PIEZO2: variants seen among roughly 807,000 people sequenced by gnomAD.
The protein encoded by PIEZO2 is piezo type mechanosensitive ion channel component 2, also known as piezo-type mechanosensitive ion channel component 2.
PIEZO2 carries 172 observed loss-of-function variants against 337.3 expected under a neutral mutation model. The observed-to-expected ratio is 0.51, with a 90% CI of 0.45 to 0.58. The LOEUF (loss-of-function observed/expected upper bound fraction) is 0.58. Ranked by LOEUF, PIEZO2 falls within the 20% of genes least tolerant of loss-of-function variation. The probability of loss-of-function intolerance (pLI) is 0.00; values close to 1 mark genes in which losing one functional copy is unlikely to be tolerated. For missense variants in PIEZO2, 3,028 were observed against 3,391.3 expected, an observed-to-expected ratio of 0.89 and a Z score of 2.66; for synonymous variants, 1,251 against 1,228.5, an observed-to-expected ratio of 1.02 and a Z score of -0.38.
rs2040706285 is a variant in PIEZO2, at chr18:11,143,190, C to A, written c.64+5335G>T. Among the ~76,000 whole-genome samples, 1 of 152,044 alleles carries A rather than the reference C, an allele frequency of 6.6e-6. No homozygotes were observed. The highest frequency in any genetic ancestry group is 1.5e-5 in the Non-Finnish European group (1 of 68,006). ...ATGTCCTCAAGACAACGGTTTAAATCAAAAATCTTATAAGCTGTAATGTTG... is the reference window on the plus strand; with the variant it reads ...ATGTCCTCAAGACAACGGTTTAAATAAAAAATCTTATAAGCTGTAATGTTG... On this transcript the variant is annotated intron_variant, in intron 1 of 55. Coordinates refer to ENST00000674853, the MANE Select transcript of PIEZO2 (RefSeq NM_001378183.1). This position sits in a 1 kb window ranked among gnomAD's most constrained non-coding sequence, Gnocchi z 4.9.
chr18:10,886,008 G>T (rs2042568594), intron 4 of PIEZO2, among the ~76,000 whole-genome samples: 1 of 151,892 alleles, frequency 6.6e-6, no homozygotes, highest in African/African-American at 2.4e-5. Context: ...AATAAAGCCA[G>T]AATCCGAAGA....
Position 11,021,377 on chromosome 18 carries a change from A to G in PIEZO2, c.161-41717T>C, listed in dbSNP as rs1211408238. Among the ~76,000 whole-genome samples, 1 of 152,112 alleles carries G rather than the reference A, an allele frequency of 6.6e-6. No homozygotes were observed. The highest frequency in any genetic ancestry group is 2.4e-5 in the African/African-American group (1 of 41,412). Reference sequence around the variant, plus strand: ...AAAACATTTTCTTTTTCCTTCTACAAAAGCATCCCACTCTTGTATTCCATG... The same window carrying G: ...AAAACATTTTCTTTTTCCTTCTACAGAAGCATCCCACTCTTGTATTCCATG... On this transcript the variant is annotated intron_variant, in intron 2 of 55. Transcript: ENST00000674853. This position sits in a 1 kb window ranked among gnomAD's most constrained non-coding sequence, Gnocchi z 4.7.
chr18:10,801,563 T>C (rs143737394), intron 9 of PIEZO2, 135 bp from the exon 10 acceptor site: 3 of 749,794 alleles, frequency 4.0e-6, no homozygotes, highest in Admixed American at 5.4e-5. Context: ...AATATTGCCA[T>C]GCAAAATATA....
At chr18:11,136,959 TG>T (rs1457805297) in intron 1 of PIEZO2, among the ~76,000 whole-genome samples, 1 of 152,244 alleles carries the variant, frequency 6.6e-6, no homozygotes, top group Non-Finnish European at 1.5e-5. Context: ...ATAACTATAA[TG>T]TAGCTTGGTT....
chr18:11,042,135 A>T (rs536004728), intron 2 of PIEZO2, among the ~76,000 whole-genome samples: 1 of 152,362 alleles, frequency 6.6e-6, no homozygotes, highest in South Asian at 2.1e-4. Flanking sequence ...GGATGATCAA[A>T]TATACTTTCA....
At chr18:11,022,394 G>A (rs2036343290) in intron 2 of PIEZO2, among the ~76,000 whole-genome samples, 1 of 152,220 alleles carries the variant, frequency 6.6e-6, no homozygotes, top group Non-Finnish European at 1.5e-5. Flanking sequence ...AGCCTGCTGG[G>A]GGCATGGTAG....
At chr18:11,076,016 G>A (rs2038533115) in intron 1 of PIEZO2, among the ~76,000 whole-genome samples, 1 of 152,060 alleles carries the variant, frequency 6.6e-6, no homozygotes, top group African/African-American at 2.4e-5. Context: ...TGGATCTCCT[G>A]ACCTTGTGAG....
chr18:10,696,461 C>A lies in PIEZO2; in HGVS notation c.6906G>T (p.Val2302=). The A allele has an allele frequency of 3.1e-6, 5 of 1,614,198 alleles. No homozygotes were observed. The highest frequency in any genetic ancestry group is 4.2e-6 in the Non-Finnish European group (5 of 1,180,034). Residue 2302 remains valine (V), a synonymous_variant, in exon 46 of 56, where the codon GTG becomes GTT. Coordinates refer to ENST00000674853, the MANE Select transcript of PIEZO2 (RefSeq NM_001378183.1). ...IHPEYSAVTD[V]YVLMFLADTV... ...TGTCAGCCAGGAACATGAGTACATA[C>A]ACGTCAGTCACGGCGCTATACTCCG...
intron 1 of PIEZO2, among the ~76,000 whole-genome samples, chr18:11,133,370 T>C (rs756157890): frequency 8.5e-5 from 13 of 152,080 alleles, no homozygotes; most frequent in Non-Finnish European, 1.9e-4. Flanking sequence ...TCTCAGGAAA[T>C]GTGTATGGGT....
rs185927181 is a variant in PIEZO2, at chr18:10,746,140, G to A, written c.4425-1909C>T. Among the ~76,000 whole-genome samples, 5 of 152,220 alleles carry A rather than the reference G, an allele frequency of 3.3e-5. No individual in the cohort carries two copies. In the East Asian group the frequency reaches 9.6e-4, roughly 29 times the overall value. On this transcript the variant is annotated intron_variant, in intron 30 of 55. Transcript: ENST00000674853. This position sits in a 1 kb window ranked among gnomAD's most constrained non-coding sequence, Gnocchi z 4.2. ...GCTTAGCTGTCTCTCTGCCTACAGC[G>A]CTGCCTATACCCATCTATTCTCCAT...
chr18:10,914,630 A>G (rs2030782941), intron 3 of PIEZO2, among the ~76,000 whole-genome samples: 1 of 152,150 alleles, frequency 6.6e-6, no homozygotes, highest in Non-Finnish European at 1.5e-5. Context: ...GGTCAGTTGA[A>G]TTTGTTGGTG....
At chr18:10,904,520 G>A (rs932946025) in intron 4 of PIEZO2, among the ~76,000 whole-genome samples, 4 of 152,192 alleles carry the variant, frequency 2.6e-5, no homozygotes, top group African/African-American at 4.8e-5. Context: ...CCTGTGGGAG[G>A]AGCGTGCTTC....
intron 49 of PIEZO2, among the ~76,000 whole-genome samples, chr18:10,685,288 G>A (rs627299): frequency 6.6e-6 from 1 of 152,080 alleles, no homozygotes; most frequent in East Asian, 1.9e-4. Flanking sequence ...ACTAACCAGG[G>A]CCAGATTCAT....
rs939301019 is a variant in PIEZO2 at position 10,813,974 on chromosome 18, T to G, written c.918-6700A>C. 6.6e-6 allele frequency among the ~76,000 whole-genome samples: 1 copy of G among 151,388 alleles called. No individual in the cohort carries two copies. The highest frequency in any genetic ancestry group is 6.6e-5 in the Admixed American group (1 of 15,210). The stretch of plus-strand genomic sequence containing the variant: ...GGTGTGAGATGGGACACCATATATT[T>G]TTTTTTTTTTTGAGATGGAGTTTTG... On this transcript the variant is annotated intron_variant, in intron 7 of 55. Transcript: ENST00000674853. This position sits in a 1 kb window ranked among gnomAD's most constrained non-coding sequence, Gnocchi z 4.2.
rs2039109353 is a variant in PIEZO2 at position 10,783,633 on chromosome 18, G to A, written c.2492+1151C>T. ...TCCCTGCTGGGGCCTTGGGAGCAGA[G>A]AGGTTTTAGCAGAGCCTGATTTTCC... On this transcript the variant is annotated intron_variant, in intron 17 of 55. Transcript: ENST00000674853. The surrounding 1 kb of genome is among the most constrained non-coding windows in gnomAD (Gnocchi z 4.3). Among the ~76,000 whole-genome samples the A allele has an allele frequency of 6.6e-6, 1 of 152,158 alleles. No homozygotes were observed. The highest frequency in any genetic ancestry group is 6.5e-5 in the Admixed American group (1 of 15,276).
rs924488119 is a variant in PIEZO2 at position 10,833,370 on chromosome 18, C to T, written c.917+21983G>A. 2.0e-5 allele frequency among the ~76,000 whole-genome samples: 3 copies of T among 152,152 alleles called. No individual in the cohort carries two copies. The highest frequency in any genetic ancestry group is 4.8e-5 in the African/African-American group (2 of 41,422). ...GAGCCCACTGTGACACCTGCAGCCT[C>T]GCCCTCTCCTGTTGGAATCATGTGG... On this transcript the variant is annotated intron_variant, in intron 7 of 55. Transcript: ENST00000674853. The surrounding 1 kb of genome is among the most constrained non-coding windows in gnomAD (Gnocchi z 4.7).
At position 10,894,844 on chromosome 18, in the gene PIEZO2, C is replaced by CA. The variant is rs1366913161; in HGVS notation, c.329+16341_329+16342insT. 4 of 152,252 alleles carry CA rather than the reference C, an allele frequency of 2.6e-5. No homozygotes were observed. The highest frequency in any genetic ancestry group is 7.2e-5 in the African/African-American group (3 of 41,468). The allele number at this position is 152,252 out of a possible 1,614,324, so 9.4% of individuals were successfully genotyped here. A position where few individuals can be genotyped will look rare whatever the true frequency, so the allele number is the denominator to read the frequency against. On this transcript the variant is annotated intron_variant, in intron 4 of 55. Transcript: ENST00000674853. This position sits in a 1 kb window ranked among gnomAD's most constrained non-coding sequence, Gnocchi z 4.1. ...TGGCCTCTTTTTCTGCCTTGTGCCC[C>CA]TCAGTCAGATTCTTTCATCTGAGGA... is the stretch of plus-strand genomic sequence containing the variant.
At position 10,813,267 on chromosome 18, in the gene PIEZO2, C is replaced by A. The variant is rs1448977192; in HGVS notation, c.918-5993G>T. On this transcript the variant is annotated intron_variant, in intron 7 of 55. Coordinates refer to ENST00000674853, the MANE Select transcript of PIEZO2 (RefSeq NM_001378183.1). The surrounding 1 kb of genome is among the most constrained non-coding windows in gnomAD (Gnocchi z 4.2). The stretch of plus-strand genomic sequence containing the variant: ...GTGCTGGCATTACAGGAGTGAGCCA[C>A]CGCGCCCGGGCCATTTTAAACATTT... Among the ~76,000 whole-genome samples, 2 of 152,188 alleles carry A rather than the reference C, an allele frequency of 1.3e-5. No homozygotes were observed. The highest frequency in any genetic ancestry group is 2.4e-5 in the African/African-American group (1 of 41,444).
chr18:11,100,761 A>G (rs1271096778), intron 1 of PIEZO2, among the ~76,000 whole-genome samples: 2 of 151,916 alleles, frequency 1.3e-5, no homozygotes, highest in Non-Finnish European at 2.9e-5. Context: ...ACGCCTGGCT[A>G]ATTTTTTGTA....
Sources: allele counts gnomAD v4.1 joint callset (sites outside exome capture counted in the v4.1 genomes callset), GRCh38; gene constraint gnomAD v4.1.1; non-coding constraint Gnocchi (gnomAD v3.1); transcripts MANE v1.5; gene names NCBI Gene and HGNC (gene_info 2026-07-23, HGNC 2026-07-21).